TVP23C: variants seen among roughly 807,000 people sequenced by gnomAD.
TVP23C encodes trans-golgi network vesicle protein 23 homolog C.
Under a neutral mutation model 28.7 loss-of-function variants are expected in TVP23C, and 19 were observed. That is an observed-to-expected ratio of 0.66 (90% CI 0.46 to 0.97). The LOEUF is 0.97. Among genes scored for constraint, TVP23C ranks in the 50% least tolerant of loss-of-function variants. The pLI is 0.00. For missense variants in TVP23C, 186 were observed against 241.3 expected (o/e 0.77, Z 1.52); for synonymous variants, 68 against 81.7 (o/e 0.83, Z 0.90).
intron 5 of TVP23C, among the ~76,000 whole-genome samples, chr17:15,525,135 A>C (rs1459763437): frequency 6.6e-6 from 1 of 152,268 alleles, no homozygotes; most frequent in Non-Finnish European, 1.5e-5. Context: ...AGCACAGGTC[A>C]GCAGTTGAAA....
chr17:15,542,659 TAG>T (rs1280737955), intron 5 of TVP23C, among the ~76,000 whole-genome samples: 1 of 151,974 alleles, frequency 6.6e-6, no homozygotes, highest in Non-Finnish European at 1.5e-5. Flanking sequence ...TTATTTTTAG[TAG>T]AGACAGGGTT....
intron 4 of TVP23C, among the ~76,000 whole-genome samples, chr17:15,546,792 A>G (rs1170113928): frequency 6.6e-6 from 1 of 150,868 alleles, no homozygotes; most frequent in Admixed American, 6.6e-5. Flanking sequence ...ATCTTTTATC[A>G]GCAATCCCTG....
Position 15,503,122 on chromosome 17 carries a change from G to GC in TVP23C, c.572dup (p.His192ProfsTer12). ...CCTGATGAAACTTCCTCGAGGGATG[G>GC]CCCGGGCAGCGGCTCACGCCTGTTA... is the stretch of plus-strand genomic sequence containing the variant. On this transcript the variant is annotated frameshift_variant, in exon 6 of 6. Transcript: ENST00000225576. LOFTEE classifies it low-confidence loss of function (END_TRUNC). 6.2e-7 allele frequency: 1 copy of GC among 1,612,250 alleles called. No individual in the cohort carries two copies. The highest frequency in any genetic ancestry group is 1.3e-5 in the African/African-American group (1 of 75,038).
chr17:15,520,014 A>G (rs1361633557), intron 5 of TVP23C, among the ~76,000 whole-genome samples: 2 of 151,968 alleles, frequency 1.3e-5, no homozygotes, highest in Admixed American at 1.3e-4. Context: ...CCTGGATGCC[A>G]TTTAGCTTGG....
At chr17:15,519,827 G>A (rs147545416) in intron 5 of TVP23C, among the ~76,000 whole-genome samples, 1,929 of 152,210 alleles carry the variant, frequency 0.013, 51 homozygotes, top group African/African-American at 0.044. Context: ...GCATGAACCC[G>A]GGAGGCGGAG....
chr17:15,527,252 A>G (rs1386175091), intron 5 of TVP23C, among the ~76,000 whole-genome samples: 3 of 152,302 alleles, frequency 2.0e-5, no homozygotes, highest in Non-Finnish European at 2.9e-5. Context: ...CTCACTGCCC[A>G]TGTTTCAGAG....
chr17:15,549,496 T>G (rs1388635275), intron 3 of TVP23C, among the ~76,000 whole-genome samples: 1 of 152,008 alleles, frequency 6.6e-6, no homozygotes. Context: ...CTGGCTAACA[T>G]AGTGAAACCC....
chr17:15,559,613 C>A (rs1319915354), intron 1 of TVP23C, among the ~76,000 whole-genome samples: 1 of 148,600 alleles, frequency 6.7e-6, no homozygotes, highest in Non-Finnish European at 1.5e-5. Flanking sequence ...GACAAAAGCA[C>A]AACGCTAGGA....
intron 3 of TVP23C, among the ~76,000 whole-genome samples, chr17:15,549,448 T>C (rs1172544987): frequency 4.6e-5 from 7 of 152,106 alleles, no homozygotes; most frequent in Non-Finnish European, 1.0e-4. Flanking sequence ...ATAAGATGCC[T>C]GGCCAGGCAT....
At chr17:15,532,869 T>C (rs1454790043), downstream of TVP23C, among the ~76,000 whole-genome samples, 1 of 152,218 alleles carries the variant, frequency 6.6e-6, no homozygotes, top group African/African-American at 2.4e-5. Context: ...CCAACCATGA[T>C]AGACCATCTA....
intron 5 of TVP23C, among the ~76,000 whole-genome samples, chr17:15,509,822 T>C (rs1981924759): frequency 6.6e-6 from 1 of 152,240 alleles, no homozygotes; most frequent in Admixed American, 6.5e-5. Context: ...GCTCCTTCCC[T>C]GGCTCACATG....
intron 3 of TVP23C, 48 bp downstream of exon 3, chr17:15,553,637 T>C: frequency 6.5e-7 from 1 of 1,550,118 alleles, no homozygotes; most frequent in Non-Finnish European, 8.7e-7. Flanking sequence ...TTTTTATACA[T>C]CATTTTCATA....
intron 5 of TVP23C, among the ~76,000 whole-genome samples, chr17:15,505,904 C>T (rs1159301229): frequency 6.6e-6 from 1 of 152,246 alleles, no homozygotes; most frequent in Admixed American, 6.5e-5. Context: ...GATTTCTCAC[C>T]GAGCCTTAGC....
chr17:15,531,985 C>T (rs527398122), downstream of TVP23C, among the ~76,000 whole-genome samples: 1 of 152,208 alleles, frequency 6.6e-6, no homozygotes, highest in South Asian at 2.1e-4. Flanking sequence ...TCTGTTTAGT[C>T]TGTGTTCTTT....
Position 15,503,172 on chromosome 17 carries a change from C to T in TVP23C, c.523G>A (p.Ala175Thr), listed in dbSNP as rs59631163. 5.8e-3 allele frequency: 9,250 copies of T among 1,586,864 alleles called. 509 individuals carry two copies. In the African/African-American group the frequency reaches 0.11, roughly 19 times the overall value. ...ATCCCAGCGCTTTGGAAGGCGGAAGCGGGAGGATCTCTTGAGCCCAAGACT... is the reference window on the plus strand; with the variant it reads ...ATCCCAGCGCTTTGGAAGGCGGAAGTGGGAGGATCTCTTGAGCCCAAGACT... The change falls in exon 6 of 6, where the codon GCT (alanine) becomes ACT (threonine). Residue 175 changes from alanine (A) to threonine (T), a missense_variant. Physicochemically the swap from Ala to Thr is moderately conservative, Grantham distance 58. Transcript: ENST00000225576.
intron 5 of TVP23C, among the ~76,000 whole-genome samples, chr17:15,526,059 G>A (rs540982749): frequency 7.6e-4 from 115 of 152,248 alleles, no homozygotes; most frequent in South Asian, 2.7e-3. Context: ...TCTGCACTGC[G>A]TATGCCCTTT....
In TVP23C at chr17:15,558,132, G is replaced by A. The variant is rs370097953; in HGVS notation, c.13-2768C>T. ...AATTGCTTTGAGGTGTGATCATAAC[G>A]TACAGCAAGACTGAGATCCACCGTA... is the stretch of plus-strand genomic sequence containing the variant. On this transcript the variant is annotated intron_variant, in intron 1 of 5. Transcript: ENST00000518321. Among the ~76,000 whole-genome samples, 14 of 149,484 alleles carry A rather than the reference G, an allele frequency of 9.4e-5. 1 individual carries two copies. Among genetic ancestry groups the A allele is most frequent in the South Asian group, 8.7e-4 (4 of 4,600 alleles).
rs1983295565 is a variant in TVP23C, at chr17:15,539,225, T to C, written c.*1187A>G. ...TCTTGTGCCCTCTAGGTGATTCTCATGTATGTTCGAGTTTAAGAATCCCTG... is the reference window on the plus strand; with the variant it reads ...TCTTGTGCCCTCTAGGTGATTCTCACGTATGTTCGAGTTTAAGAATCCCTG... On this transcript the variant is annotated 3_prime_UTR_variant, in exon 6 of 6. Coordinates refer to ENST00000518321, the MANE Select transcript of TVP23C (RefSeq NM_001135036.2). 9.2e-6 allele frequency: 9 copies of C among 982,390 alleles called. No homozygotes were observed. The highest frequency in any genetic ancestry group is 1.7e-5 in the African/African-American group (1 of 57,290). The allele number at this position is 982,390 out of a possible 1,614,324, so 60.9% of individuals were successfully genotyped here.
chr17:15,513,064 T>C (rs1366313835), intron 5 of TVP23C, among the ~76,000 whole-genome samples: 1 of 152,218 alleles, frequency 6.6e-6, no homozygotes, highest in East Asian at 1.9e-4. Context: ...TCTGTTCTTT[T>C]GCATGCCACT....
Sources: gnomAD v4.1 joint callset for allele counts (sites outside exome capture counted in the v4.1 genomes callset) on GRCh38, gnomAD v4.1.1 for gene constraint, MANE v1.5 for transcripts, NCBI Gene and HGNC (gene_info 2026-07-23, HGNC 2026-07-21) for gene names.